TNFSF4: variants seen among roughly 807,000 people sequenced by gnomAD.
The protein encoded by TNFSF4 is tumor necrosis factor ligand superfamily member 4.
A neutral mutation model predicts 7.3 loss-of-function variants in TNFSF4; 4 were observed. The ratio of observed to expected loss-of-function variants is 0.55; its 90% CI spans 0.27 to 1.25. The LOEUF (loss-of-function observed/expected upper bound fraction) is 1.25, where lower values mean the gene tolerates loss of function less well. Among genes scored for constraint, TNFSF4 ranks in the 50% most tolerant of loss-of-function variants. The probability of loss-of-function intolerance (pLI) is 0.12; values close to 1 mark genes in which losing one functional copy is unlikely to be tolerated. For missense variants in TNFSF4, 181 were observed against 208.8 expected (o/e 0.87, Z 0.82); for synonymous variants, 76 against 83.7 (o/e 0.91, Z 0.50).
chr1:173,431,511 C>G, the TNFSF4 span, among the ~76,000 whole-genome samples: 1 of 152,256 alleles, frequency 6.6e-6, no homozygotes, highest in South Asian at 2.1e-4. Flanking sequence ...CCTGCATTGG[C>G]TCTCAACTGC....
At position 173,207,173 on chromosome 1, in the gene TNFSF4, C is replaced by G. The variant is rs1169368175; in HGVS notation, c.4G>C (p.Glu2Gln). 1 of 1,610,576 alleles carries G rather than the reference C, an allele frequency of 6.2e-7. No individual in the cohort carries two copies. The highest frequency in any genetic ancestry group is 2.2e-5 in the East Asian group (1 of 44,732). Residue 2 changes from glutamate (E) to glutamine (Q), a missense_variant, in exon 1 of 3, where the codon GAA becomes CAA. Glu to Gln is a conservative substitution (Grantham distance 29). Transcript: ENST00000281834. Reference protein sequence around the residue: MERVQPLEENVG... With the variant: MQRVQPLEENVG... ...TTCTCTTCCAGGGGTTGGACCCTTTCCATCTTCACAATCTGGGTAGAGGGA... is the reference window on the plus strand; with the variant it reads ...TTCTCTTCCAGGGGTTGGACCCTTTGCATCTTCACAATCTGGGTAGAGGGA...
chr1:173,305,819 T>C, the TNFSF4 span, among the ~76,000 whole-genome samples: 1 of 151,788 alleles, frequency 6.6e-6, no homozygotes, highest in Non-Finnish European at 1.5e-5. Flanking sequence ...TCACTCACTA[T>C]CATGAGACTA....
chr1:173,298,281 T>A, the TNFSF4 span, among the ~76,000 whole-genome samples: 1 of 151,930 alleles, frequency 6.6e-6, no homozygotes, highest in Non-Finnish European at 1.5e-5. Context: ...TTTTCTTTCC[T>A]CTCAGTAATA....
chr1:173,297,031 C>A, the TNFSF4 span, among the ~76,000 whole-genome samples: 1 of 151,906 alleles, frequency 6.6e-6, no homozygotes, highest in Non-Finnish European at 1.5e-5. Context: ...AGTGAATAAA[C>A]ATACACTGAC....
chr1:173,396,413 G>A, the TNFSF4 span, among the ~76,000 whole-genome samples: 1 of 152,158 alleles, frequency 6.6e-6, no homozygotes, highest in East Asian at 1.9e-4. Flanking sequence ...AGGAGGCTGA[G>A]GCAGGAGGAT....
the TNFSF4 span, among the ~76,000 whole-genome samples, chr1:173,219,436 AC>A: frequency 1.3e-5 from 2 of 152,166 alleles, no homozygotes; most frequent in Non-Finnish European, 2.9e-5. Flanking sequence ...AAAAGGGGAC[AC>A]TTTTACACTG....
At chr1:173,363,122 T>G in the TNFSF4 span, 1 of 340,458 alleles carries the variant, frequency 2.9e-6, no homozygotes. Flanking sequence ...TACCAACTCT[T>G]ACATTTTTCT....
the TNFSF4 span, among the ~76,000 whole-genome samples, chr1:173,214,694 T>A: frequency 6.6e-6 from 1 of 152,248 alleles, no homozygotes; most frequent in Non-Finnish European, 1.5e-5. Flanking sequence ...GGCCACGGGT[T>A]GAACAAACTT....
chr1:173,199,533 G>A (rs1250127249), intron 1 of TNFSF4, among the ~76,000 whole-genome samples: 1 of 152,180 alleles, frequency 6.6e-6, no homozygotes, highest in African/African-American at 2.4e-5. Context: ...ACAACACTGA[G>A]GATTGCTGGG....
At chr1:173,253,990 G>A in the TNFSF4 span, among the ~76,000 whole-genome samples, 11 of 152,270 alleles carry the variant, frequency 7.2e-5, no homozygotes, top group East Asian at 1.9e-4. Context: ...TGAATTTAGG[G>A]TTATGGTTGG....
the TNFSF4 span, among the ~76,000 whole-genome samples, chr1:173,307,444 A>G: frequency 6.6e-6 from 1 of 151,956 alleles, no homozygotes; most frequent in East Asian, 1.9e-4. Flanking sequence ...ACCATTACAG[A>G]TTAAAGAAAA....
At chr1:173,364,348 G>A in the TNFSF4 span, among the ~76,000 whole-genome samples, 1 of 143,608 alleles carries the variant, frequency 7.0e-6, no homozygotes, top group East Asian at 2.1e-4. Flanking sequence ...ACTTTAAATG[G>A]ATGTATGTGT....
chr1:173,206,894 T>C (rs1650219715), intron 1 of TNFSF4, 130 bp downstream of exon 1: 5 of 1,059,146 alleles, frequency 4.7e-6, no homozygotes, highest in Non-Finnish European at 6.5e-6. Context: ...CACTTTACGA[T>C]TGCTGTGGGG....
the TNFSF4 span, among the ~76,000 whole-genome samples, chr1:173,292,039 C>T: frequency 6.6e-6 from 1 of 151,588 alleles, no homozygotes; most frequent in African/African-American, 2.4e-5. Context: ...AAATTCACAG[C>T]TGAATTATAC....
the TNFSF4 span, among the ~76,000 whole-genome samples, chr1:173,248,853 T>C: frequency 6.6e-6 from 1 of 152,244 alleles, no homozygotes; most frequent in Admixed American, 6.5e-5. Context: ...AGTGGCTAAA[T>C]TGAGCTCTTT....
chr1:173,343,286 T>C, the TNFSF4 span, among the ~76,000 whole-genome samples: 1 of 152,168 alleles, frequency 6.6e-6, no homozygotes, highest in Non-Finnish European at 1.5e-5. Context: ...AGGGAGTCAT[T>C]GCAACTACAA....
At chr1:173,310,255 G>C in the TNFSF4 span, among the ~76,000 whole-genome samples, 1 of 151,926 alleles carries the variant, frequency 6.6e-6, no homozygotes, top group Non-Finnish European at 1.5e-5. Flanking sequence ...CTTTGAGACT[G>C]TCTTCTTTTC....
the TNFSF4 span, among the ~76,000 whole-genome samples, chr1:173,336,869 T>C: frequency 3.9e-5 from 6 of 152,012 alleles, no homozygotes; most frequent in Non-Finnish European, 8.8e-5. Context: ...TCATGGCATC[T>C]AGCTGCTCCT....
the TNFSF4 span, among the ~76,000 whole-genome samples, chr1:173,225,993 T>C: frequency 2.6e-5 from 4 of 152,222 alleles, no homozygotes; most frequent in Non-Finnish European, 4.4e-5. Context: ...TTATTCATTT[T>C]TAAAAATAAA....
Sources: allele counts gnomAD v4.1 joint callset (sites outside exome capture counted in the v4.1 genomes callset), GRCh38; gene constraint gnomAD v4.1.1; transcripts MANE v1.5; gene names NCBI Gene and HGNC (gene_info 2026-07-23, HGNC 2026-07-21).